Variants in PACRG observed in about 807,000 individuals in gnomAD.
PACRG encodes the protein parkin coregulated gene protein.
PACRG carries 29 observed loss-of-function variants against 29.7 expected under a neutral mutation model. The ratio of observed to expected loss-of-function variants is 0.98; its 90% CI spans 0.73 to 1.33. The LOEUF (loss-of-function observed/expected upper bound fraction) is 1.33. Ranked by LOEUF, PACRG falls within the 40% of genes most tolerant of loss-of-function variation. The probability of loss-of-function intolerance (pLI) is 0.00; values close to 1 mark genes in which losing one functional copy is unlikely to be tolerated. For synonymous variants in PACRG, 116 were observed against 118.7 expected, an observed-to-expected ratio of 0.98 and a Z score of 0.15; for missense variants, 279 against 316.2, an observed-to-expected ratio of 0.88 and a Z score of 0.89.
At chr6:162,873,889 A>G (rs112034169) in intron 2 of PACRG, among the ~76,000 whole-genome samples, 21 of 152,278 alleles carry the variant, frequency 1.4e-4, no homozygotes, top group African/African-American at 4.8e-4. Context: ...GGAAGAGCCA[A>G]ATAACTGCGC....
intron 2 of PACRG, among the ~76,000 whole-genome samples, chr6:162,932,837 A>G (rs1317670324): frequency 6.6e-6 from 1 of 151,692 alleles, no homozygotes; most frequent in East Asian, 1.9e-4. Context: ...TTACATCTTC[A>G]GATTTCTAAA....
chr6:162,798,646 G>T (rs1447291321), intron 1 of PACRG, among the ~76,000 whole-genome samples: 1 of 152,116 alleles, frequency 6.6e-6, no homozygotes, highest in Non-Finnish European at 1.5e-5. Context: ...TTTAGTACTT[G>T]TTAGGTACCA....
chr6:163,194,196 G>A (rs570550565), intron 4 of PACRG, among the ~76,000 whole-genome samples: 8 of 152,218 alleles, frequency 5.3e-5, no homozygotes, highest in South Asian at 2.1e-4. Context: ...GAGGTTCTGC[G>A]CCCGATTACA....
chr6:163,079,919 A>AT (rs1812922857), intron 3 of PACRG, among the ~76,000 whole-genome samples: 1 of 61,588 alleles, frequency 1.6e-5, no homozygotes, highest in Admixed American at 2.4e-4. Context: ...TTTTTTTGAG[A>AT]TGGAGTCTCA....
At chr6:163,260,321 G>A (rs947964928) in intron 4 of PACRG, among the ~76,000 whole-genome samples, 1 of 151,838 alleles carries the variant, frequency 6.6e-6, no homozygotes, top group Non-Finnish European at 1.5e-5. Flanking sequence ...CAGCTCCCAC[G>A]TTGGTCCAAA....
chr6:163,004,890 A>T (rs997879354), intron 2 of PACRG, among the ~76,000 whole-genome samples: 2 of 151,986 alleles, frequency 1.3e-5, no homozygotes, highest in Admixed American at 6.6e-5. Flanking sequence ...CCATTTACTA[A>T]CTACAAGGTC....
At position 162,728,129 on chromosome 6, in the gene PACRG, C is replaced by A; in HGVS notation, c.-107C>A. 1 of 1,339,274 alleles carries A rather than the reference C, an allele frequency of 7.5e-7. No homozygotes were observed. The allele number at this position is 1,339,274 out of a possible 1,614,324, so 83.0% of individuals were successfully genotyped here. ...GCACTACGAGGGGTTGAATTTCTAC[C>A]ATTATCGCGCCTTTTGATATTTTTT... On this transcript the variant is annotated 5_prime_UTR_variant, in exon 1 of 5. Transcript: ENST00000366888.
chr6:162,903,958 G>C (rs1562717168), intron 2 of PACRG, among the ~76,000 whole-genome samples: 2 of 152,158 alleles, frequency 1.3e-5, no homozygotes, highest in Non-Finnish European at 2.9e-5. Context: ...GATTGCAGGG[G>C]CTGGCGAGTC....
intron 2 of PACRG, among the ~76,000 whole-genome samples, chr6:162,959,258 A>C (rs1054923064): frequency 9.9e-5 from 15 of 151,944 alleles, no homozygotes; most frequent in African/African-American, 2.9e-4. Context: ...GAAGACAATA[A>C]TTGTTAAAAG....
At chr6:162,877,353 C>A (rs528315829) in intron 2 of PACRG, among the ~76,000 whole-genome samples, 1 of 152,232 alleles carries the variant, frequency 6.6e-6, no homozygotes, top group Non-Finnish European at 1.5e-5. Flanking sequence ...CCAAGCACCA[C>A]ATGTTCTCAC....
intron 2 of PACRG, among the ~76,000 whole-genome samples, chr6:162,980,590 A>G (rs1562799475): frequency 6.6e-6 from 1 of 152,182 alleles, no homozygotes; most frequent in Admixed American, 6.6e-5. Context: ...TCTCCATTTA[A>G]GAAACATCCT....
chr6:163,244,135 T>A (rs1782606903), intron 4 of PACRG, among the ~76,000 whole-genome samples: 1 of 152,230 alleles, frequency 6.6e-6, no homozygotes, highest in Non-Finnish European at 1.5e-5. Flanking sequence ...CAAACAAAAC[T>A]GAGTGTCCTA....
intron 1 of PACRG, among the ~76,000 whole-genome samples, chr6:162,755,372 A>G (rs987080747): frequency 1.3e-5 from 2 of 151,944 alleles, no homozygotes; most frequent in African/African-American, 4.8e-5. Context: ...TCCTTGAGGT[A>G]TGACATTAGA....
chr6:162,929,185 A>G (rs1012393502), intron 2 of PACRG, among the ~76,000 whole-genome samples: 1 of 151,942 alleles, frequency 6.6e-6, no homozygotes, highest in Non-Finnish European at 1.5e-5. Flanking sequence ...ATTTTGAGGA[A>G]CCTTCATACA....
At chr6:163,076,228 T>C (rs1483554342) in intron 3 of PACRG, among the ~76,000 whole-genome samples, 1 of 152,154 alleles carries the variant, frequency 6.6e-6, no homozygotes, top group East Asian at 1.9e-4. Context: ...GTTATTTCAT[T>C]TTCAGTTTTT....
chr6:163,083,183 A>G (rs1287229681), intron 3 of PACRG, among the ~76,000 whole-genome samples: 2 of 152,224 alleles, frequency 1.3e-5, no homozygotes, highest in Non-Finnish European at 2.9e-5. Flanking sequence ...AAAATCACTC[A>G]GGAAAAGTCA....
rs376754201 is a variant in PACRG, at chr6:163,062,226, A to G, written c.368A>G (p.Tyr123Cys). ...FDGLCEMTFP[Y>C]EFFARQGIHD... ...GGGCTTTGTGAAATGACATTTCCCTATGAGTTTTTTGCTCGGCAAGGAATC... is the reference window on the plus strand; with the variant it reads ...GGGCTTTGTGAAATGACATTTCCCTGTGAGTTTTTTGCTCGGCAAGGAATC... The change falls in exon 3 of 5, where the codon TAT becomes TGT. Residue 123 changes from tyrosine (Y) to cysteine (C), a missense_variant. Tyr to Cys is a radical substitution (Grantham distance 194). Transcript: ENST00000366888. The G allele has an allele frequency of 7.4e-6, 12 of 1,613,982 alleles. No individual in the cohort carries two copies. In the East Asian group the frequency reaches 1.3e-4, roughly 18 times the overall value.
chr6:162,905,444 C>T (rs943545167), intron 2 of PACRG, among the ~76,000 whole-genome samples: 1 of 152,140 alleles, frequency 6.6e-6, no homozygotes, highest in African/African-American at 2.4e-5. Context: ...ACCAGACTGG[C>T]AGCATTTACA....
At chr6:163,183,753 G>A (rs1779781760) in intron 4 of PACRG, among the ~76,000 whole-genome samples, 1 of 152,158 alleles carries the variant, frequency 6.6e-6, no homozygotes. Flanking sequence ...GTCATTTCCT[G>A]TATCTAAAAT....
Sources: gnomAD v4.1 joint callset for allele counts (sites outside exome capture counted in the v4.1 genomes callset) on GRCh38, gnomAD v4.1.1 for gene constraint, MANE v1.5 for transcripts, NCBI Gene and HGNC (gene_info 2026-07-23, HGNC 2026-07-21) for gene names.